AUTS2: variants seen among roughly 807,000 people sequenced by gnomAD.
AUTS2 encodes the protein activator of transcription and developmental regulator AUTS2.
A neutral mutation model predicts 112.4 loss-of-function variants in AUTS2; 17 were observed. The observed-to-expected ratio is 0.15, with a 90% confidence interval of 0.10 to 0.23. The LOEUF (loss-of-function observed/expected upper bound fraction) is 0.23, where lower values mean the gene tolerates loss of function less well. Among genes scored for constraint, AUTS2 ranks in the 10% least tolerant of loss-of-function variants. AUTS2 has a pLI of 1.00. For missense variants in AUTS2, 1,510 were observed against 1,701.6 expected, an observed-to-expected ratio of 0.89 and a Z score of 1.98; for synonymous variants, 751 against 702.7, an observed-to-expected ratio of 1.07 and a Z score of -1.09.
At chr7:70,264,768 G>A (rs1787337365) in intron 4 of AUTS2, among the ~76,000 whole-genome samples, 1 of 152,128 alleles carries the variant, frequency 6.6e-6, no homozygotes. Flanking sequence ...TCAGAAGATG[G>A]CTACATAGAG....
At chr7:70,294,182 T>C (rs775742617) in intron 4 of AUTS2, 1 of 152,248 alleles carries the variant, frequency 6.6e-6, no homozygotes, top group Non-Finnish European at 1.5e-5. Flanking sequence ...AGGCATTGCA[T>C]AGCTGGAAGA....
intron 1 of AUTS2, among the ~76,000 whole-genome samples, chr7:69,857,700 A>G (rs999350295): frequency 6.6e-6 from 1 of 152,056 alleles, no homozygotes; most frequent in Non-Finnish European, 1.5e-5. Context: ...CTGTTTATTA[A>G]GACATTCCCG....
intron 1 of AUTS2, among the ~76,000 whole-genome samples, chr7:69,688,418 G>A (rs1369356302): frequency 6.6e-6 from 1 of 152,220 alleles, no homozygotes; most frequent in Non-Finnish European, 1.5e-5. Context: ...TTATAATTAT[G>A]TTCACAGAGT....
intron 1 of AUTS2, among the ~76,000 whole-genome samples, chr7:69,771,995 G>C (rs976969449): frequency 1.3e-5 from 2 of 152,102 alleles, no homozygotes; most frequent in Non-Finnish European, 2.9e-5. Flanking sequence ...ATGTTGATCA[G>C]GCTGGTCTCG....
chr7:70,422,409 A>G (rs1795261473), intron 4 of AUTS2, among the ~76,000 whole-genome samples: 1 of 152,186 alleles, frequency 6.6e-6, no homozygotes, highest in African/African-American at 2.4e-5. Context: ...GATTTTCATA[A>G]AAGAGTAACC....
chr7:69,954,145 A>G (rs900071386), intron 2 of AUTS2, among the ~76,000 whole-genome samples: 6 of 152,164 alleles, frequency 3.9e-5, no homozygotes, highest in African/African-American at 1.4e-4. Context: ...TTCAAAATCA[A>G]ACTAATCAAT....
At chr7:69,667,072 T>G (rs765343530) in intron 1 of AUTS2, among the ~76,000 whole-genome samples, 1 of 152,128 alleles carries the variant, frequency 6.6e-6, no homozygotes, top group Non-Finnish European at 1.5e-5. Context: ...GTGATGGCCT[T>G]CTCACTGGTG....
chr7:69,746,551 C>A (rs769900088), intron 1 of AUTS2, among the ~76,000 whole-genome samples: 3 of 152,078 alleles, frequency 2.0e-5, no homozygotes, highest in Admixed American at 6.6e-5. Flanking sequence ...ATGAGCTGCG[C>A]AACTCTTCTT....
intron 1 of AUTS2, among the ~76,000 whole-genome samples, chr7:69,893,611 A>G (rs1355697238): frequency 6.6e-6 from 1 of 152,222 alleles, no homozygotes; most frequent in Admixed American, 6.5e-5. Context: ...AGCCCCTCAC[A>G]TACATATACA....
At chr7:69,792,514 C>T (rs1300725371) in intron 1 of AUTS2, among the ~76,000 whole-genome samples, 1 of 152,200 alleles carries the variant, frequency 6.6e-6, no homozygotes, top group Non-Finnish European at 1.5e-5. Flanking sequence ...GCTGGGATTA[C>T]AGGTGTGAGC....
intron 1 of AUTS2, among the ~76,000 whole-genome samples, chr7:69,799,859 T>C (rs1391454472): frequency 6.6e-6 from 1 of 152,136 alleles, no homozygotes; most frequent in Non-Finnish European, 1.5e-5. Context: ...GTGTGTTCCT[T>C]TTGTCTGGAG....
intron 4 of AUTS2, among the ~76,000 whole-genome samples, chr7:70,402,407 G>C (rs551095663): frequency 6.6e-5 from 10 of 152,224 alleles, no homozygotes; most frequent in Non-Finnish European, 1.5e-4. Flanking sequence ...TGAAGCTGAC[G>C]CAGAATCACA....
chr7:70,770,694 G>A (rs928639565), intron 10 of AUTS2, among the ~76,000 whole-genome samples: 2 of 152,124 alleles, frequency 1.3e-5, no homozygotes, highest in Non-Finnish European at 2.9e-5. Flanking sequence ...GGACTCCTAC[G>A]TGAAGGGCTT....
At chr7:70,115,198 G>T (rs1377903967) in intron 2 of AUTS2, among the ~76,000 whole-genome samples, 1 of 152,082 alleles carries the variant, frequency 6.6e-6, no homozygotes. Flanking sequence ...TTTTCCTTCC[G>T]TGAAGAAGCA....
At chr7:70,534,193 A>G (rs557217931) in intron 5 of AUTS2, among the ~76,000 whole-genome samples, 2 of 152,278 alleles carry the variant, frequency 1.3e-5, no homozygotes, top group African/African-American at 4.8e-5. Flanking sequence ...ATGTTCAAGC[A>G]GGGGCCTGGG....
At chr7:70,028,886 T>C (rs1041677091) in intron 2 of AUTS2, among the ~76,000 whole-genome samples, 2 of 152,206 alleles carry the variant, frequency 1.3e-5, no homozygotes, top group African/African-American at 2.4e-5. Context: ...ACTCCTCTGC[T>C]GAAGATTCAC....
chr7:70,150,728 CAGT>C (rs1025360206), intron 4 of AUTS2, among the ~76,000 whole-genome samples: 19 of 152,142 alleles, frequency 1.2e-4, no homozygotes, highest in Admixed American at 1.2e-3. Flanking sequence ...GATATAGCAG[CAGT>C]AAATAAGACA....
chr7:70,003,887 T>C (rs1469317299), intron 2 of AUTS2, among the ~76,000 whole-genome samples: 4 of 87,476 alleles, frequency 4.6e-5, no homozygotes. Context: ...GTGTTATATA[T>C]GAATATATAT....
intron 4 of AUTS2, chr7:70,194,852 G>A (rs1351011089): frequency 6.6e-6 from 1 of 152,156 alleles, no homozygotes; most frequent in Non-Finnish European, 1.5e-5. Context: ...GCAGGGTTTG[G>A]GAACTATTTG....
Sources: gnomAD v4.1 joint callset for allele counts (sites outside exome capture counted in the v4.1 genomes callset) on GRCh38, gnomAD v4.1.1 for gene constraint, MANE v1.5 for transcripts, NCBI Gene and HGNC (gene_info 2026-07-23, HGNC 2026-07-21) for gene names.